CSMD1: variants seen among roughly 807,000 people sequenced by gnomAD.
The protein encoded by CSMD1 is CUB and Sushi multiple domains 1, also known as CUB and sushi domain-containing protein 1.
A neutral mutation model predicts 417.5 loss-of-function variants in CSMD1; 213 were observed. That is an observed-to-expected ratio of 0.51 (90% CI 0.46 to 0.57). The LOEUF (loss-of-function observed/expected upper bound fraction) is 0.57, where lower values mean the gene tolerates loss of function less well. Among genes scored for constraint, CSMD1 ranks in the 20% least tolerant of loss-of-function variants. The pLI is 0.00. For missense variants in CSMD1, 6,923 were observed against 4,529.7 expected (o/e 1.53, Z -15.17); for synonymous variants, 2,862 against 1,736.8 (o/e 1.65, Z -16.11).
chr8:4,379,591 A>T (rs535974377), intron 3 of CSMD1, among the ~76,000 whole-genome samples: 20 of 152,334 alleles, frequency 1.3e-4, no homozygotes, highest in African/African-American at 4.8e-4. Flanking sequence ...CAAAGTAAAA[A>T]CTGAAAAATG....
chr8:4,127,744 C>G (rs35575150), intron 3 of CSMD1, among the ~76,000 whole-genome samples: 43,716 of 152,068 alleles, frequency 0.29, 8,070 homozygotes, highest in Non-Finnish European at 0.39. Context: ...TACTATGTGC[C>G]AGCTACCAAG....
chr8:4,456,783 C>A (rs768160233), intron 2 of CSMD1, among the ~76,000 whole-genome samples: 1 of 151,974 alleles, frequency 6.6e-6, no homozygotes, highest in African/African-American at 2.4e-5. Context: ...TGACAACCTA[C>A]GAGGTAAGCT....
rs112919600 is a variant in CSMD1, at chr8:3,205,799, G to A, written c.4868-179C>T. ...CATAGAAAGACAAAGATTTACCAGG[G>A]AAGAAGTAATCCAACTTAGGAGAAA... On this transcript the variant is annotated intron_variant, in intron 30 of 69. Coordinates refer to ENST00000635120, the MANE Select transcript of CSMD1 (RefSeq NM_033225.6). Among the ~76,000 whole-genome samples, 202 of 152,208 alleles carry A rather than the reference G, an allele frequency of 1.3e-3. 1 individual carries two copies. Among genetic ancestry groups the A allele is most frequent in the East Asian group, 9.1e-3 (47 of 5,188 alleles).
intron 5 of CSMD1, among the ~76,000 whole-genome samples, chr8:3,983,926 G>T (rs1814105203): frequency 1.3e-5 from 2 of 152,282 alleles, no homozygotes; most frequent in South Asian, 4.1e-4. Flanking sequence ...ATCTGACAGG[G>T]CTGTCAATTG....
At chr8:4,815,023 A>G (rs1015528584) in intron 1 of CSMD1, among the ~76,000 whole-genome samples, 2 of 152,172 alleles carry the variant, frequency 1.3e-5, no homozygotes, top group Non-Finnish European at 2.9e-5. Flanking sequence ...ATATAGAATT[A>G]GTTTAAATTT....
chr8:3,110,087 G>C (rs898510), intron 43 of CSMD1, 71 bp downstream of exon 43: 1 of 1,243,744 alleles, frequency 8.0e-7, no homozygotes, highest in Admixed American at 2.9e-5. Context: ...TTGTATATAA[G>C]TGGCATATGT....
intron 57 of CSMD1, among the ~76,000 whole-genome samples, chr8:2,969,654 G>C (rs1375025509): frequency 1.3e-5 from 2 of 152,156 alleles, no homozygotes; most frequent in African/African-American, 4.8e-5. Context: ...GTCATAGCTA[G>C]TCATAGAAGC....
Position 4,352,693 on chromosome 8 carries a change from G to A in CSMD1, c.415+67260C>T, listed in dbSNP as rs148454779. Among the ~76,000 whole-genome samples, 27 of 152,282 alleles carry A rather than the reference G, an allele frequency of 1.8e-4. 1 individual carries two copies. The highest frequency in any genetic ancestry group is 6.3e-4 in the African/African-American group (26 of 41,570). On this transcript the variant is annotated intron_variant, in intron 3 of 69. Transcript: ENST00000635120. ...ATTTATAAAAACGTATGCATTTTAA[G>A]TTTTACTTTCAAGAACACAAATAAG...
chr8:3,655,489 G>T (rs1283439407), intron 7 of CSMD1, among the ~76,000 whole-genome samples: 1 of 151,980 alleles, frequency 6.6e-6, no homozygotes, highest in African/African-American at 2.4e-5. Context: ...TCAGAAATAG[G>T]TTTGGCATAA....
intron 6 of CSMD1, among the ~76,000 whole-genome samples, chr8:3,734,816 G>T (rs1796445650): frequency 6.6e-6 from 1 of 152,166 alleles, no homozygotes; most frequent in African/African-American, 2.4e-5. Flanking sequence ...CCCGTGACGG[G>T]GATACCTTCC....
intron 4 of CSMD1, among the ~76,000 whole-genome samples, chr8:4,004,444 G>C (rs1170695765): frequency 6.7e-6 from 1 of 150,102 alleles, no homozygotes; most frequent in Non-Finnish European, 1.5e-5. Context: ...TAAAGGAAAG[G>C]CTATTTTATA....
chr8:3,749,052 A>C (rs1797192329), intron 6 of CSMD1, among the ~76,000 whole-genome samples: 1 of 152,206 alleles, frequency 6.6e-6, no homozygotes, highest in South Asian at 2.1e-4. Flanking sequence ...CTGGAGCCCA[A>C]CACTTAGATG....
chr8:3,185,004 T>C (rs1372265199), intron 36 of CSMD1, among the ~76,000 whole-genome samples: 5 of 152,208 alleles, frequency 3.3e-5, no homozygotes, highest in African/African-American at 9.7e-5. Flanking sequence ...CTTTATAATA[T>C]AGTCTTAATC....
At chr8:4,849,640 A>C (rs1213740427) in intron 1 of CSMD1, among the ~76,000 whole-genome samples, 2 of 152,280 alleles carry the variant, frequency 1.3e-5, no homozygotes, top group African/African-American at 4.8e-5. Flanking sequence ...TAATACACAA[A>C]TACTTGATAT....
chr8:4,192,541 C>A (rs1017497049), intron 3 of CSMD1, among the ~76,000 whole-genome samples: 2 of 152,108 alleles, frequency 1.3e-5, no homozygotes, highest in African/African-American at 2.4e-5. Context: ...GCAACAGGGG[C>A]TTTTATCTAC....
chr8:3,481,374 A>G (rs1339769883), intron 11 of CSMD1, among the ~76,000 whole-genome samples: 1 of 152,182 alleles, frequency 6.6e-6, no homozygotes, highest in Non-Finnish European at 1.5e-5. Flanking sequence ...TGAAACAACA[A>G]TTAGAACAGC....
At chr8:3,531,680 A>C (rs1797986398) in intron 10 of CSMD1, among the ~76,000 whole-genome samples, 1 of 152,206 alleles carries the variant, frequency 6.6e-6, no homozygotes, top group African/African-American at 2.4e-5. Context: ...GCAGATAATG[A>C]GGGCAAAGAG....
At chr8:4,616,080 T>C (rs1323499394) in intron 2 of CSMD1, among the ~76,000 whole-genome samples, 1 of 152,198 alleles carries the variant, frequency 6.6e-6, no homozygotes, top group Non-Finnish European at 1.5e-5. Context: ...TATTTCATAG[T>C]GCAACTTGCC....
Position 3,516,284 on chromosome 8 carries a change from T to C in CSMD1, c.1345-22558A>G, listed in dbSNP as rs559851430. 2.6e-5 allele frequency among the ~76,000 whole-genome samples: 4 copies of C among 152,358 alleles called. No homozygotes were observed. The East Asian group carries it at 5.8e-4, about 22-fold the overall frequency. On this transcript the variant is annotated intron_variant, in intron 10 of 69. Coordinates refer to ENST00000635120, the MANE Select transcript of CSMD1 (RefSeq NM_033225.6). ...TGCATAGGTATGGAGCTCCAGTAAATGCTAAGTTCTGGGATTATAAAGAAT... is the reference window on the plus strand; with the variant it reads ...TGCATAGGTATGGAGCTCCAGTAAACGCTAAGTTCTGGGATTATAAAGAAT...
Sources: allele counts gnomAD v4.1 joint callset (sites outside exome capture counted in the v4.1 genomes callset), GRCh38; gene constraint gnomAD v4.1.1; transcripts MANE v1.5; gene names NCBI Gene and HGNC (gene_info 2026-07-23, HGNC 2026-07-21).